ENPP1: variants seen among roughly 807,000 people sequenced by gnomAD.
ENPP1 encodes the protein ectonucleotide pyrophosphatase/phosphodiesterase family member 1.
A neutral mutation model predicts 122.8 loss-of-function variants in ENPP1; 73 were observed. That is an observed-to-expected ratio of 0.59 (90% CI 0.49 to 0.72). ENPP1 has a LOEUF of 0.72. ENPP1 is among the 30% of genes least tolerant of loss of function. The pLI is 0.00. For missense variants in ENPP1, 978 were observed against 1,128.1 expected (o/e 0.87, Z 1.91); for synonymous variants, 367 against 391.6 (o/e 0.94, Z 0.74).
chr6:131,857,506 T>C (rs1056207767), intron 6 of ENPP1, among the ~76,000 whole-genome samples: 1 of 150,272 alleles, frequency 6.7e-6, no homozygotes, highest in African/African-American at 2.5e-5. Flanking sequence ...TGTAGGGACA[T>C]GGATGAAATT....
intron 1 of ENPP1, among the ~76,000 whole-genome samples, chr6:131,825,466 A>G (rs756513352): frequency 1.3e-5 from 2 of 152,168 alleles, no homozygotes; most frequent in Non-Finnish European, 2.9e-5. Context: ...TATTTCCTCA[A>G]TCACTCTTGC....
intron 14 of ENPP1, 78 bp downstream of exon 14, chr6:131,872,179 A>G (rs961443232): frequency 1.0e-5 from 10 of 952,532 alleles, no homozygotes; most frequent in African/African-American, 1.6e-5. Flanking sequence ...TTCAGCATCT[A>G]TTATTGGGAT....
Position 131,886,508 on chromosome 6 carries a change from TCAAAAGGAAG to T in ENPP1, c.2445-53_2445-44del, listed in dbSNP as rs1782379008. 6.0e-6 allele frequency: 8 copies of T among 1,341,348 alleles called. 1 individual carries two copies. The Admixed American group carries it at 1.4e-4, about 24-fold the overall frequency. The allele number at this position is 1,341,348 out of a possible 1,614,324, so 83.1% of individuals were successfully genotyped here. ...AAAGCATGCTCTACTGAAATATTCA[TCAAAAGGAAG>T]ATAGTTATTTCTTTCTTAAAATGAA... On this transcript the variant is annotated intron_variant, in intron 23 of 24. Coordinates refer to ENST00000647893, the MANE Select transcript of ENPP1 (RefSeq NM_006208.3).
At chr6:131,870,817 G>A (rs951083816) in intron 13 of ENPP1, among the ~76,000 whole-genome samples, 3 of 152,248 alleles carry the variant, frequency 2.0e-5, no homozygotes, top group East Asian at 1.9e-4. Flanking sequence ...GGTGGCTCAC[G>A]CCTGTTATTC....
intron 1 of ENPP1, among the ~76,000 whole-genome samples, chr6:131,821,037 A>AT (rs2114659326): frequency 6.6e-6 from 1 of 152,276 alleles, no homozygotes; most frequent in African/African-American, 2.4e-5. Context: ...GTGACTGAGA[A>AT]TTTTTTATTT....
Position 131,808,108 on chromosome 6 carries a change from G to C in ENPP1, c.73G>C (p.Ala25Pro), listed in dbSNP as rs1781301710. ...CGGGCGCGCTCCCCGGGAGGGCCCG[G>C]CGGGGAACGGCCGCGATCGGGGCCG... The part of the protein sequence containing the change: ...EGGRAPREGP[A>P]GNGRDRGRSH... The change falls in exon 1 of 25, where the codon GCG (alanine) becomes CCG (proline). Residue 25 changes from alanine to proline, a missense_variant. Physicochemically the swap from Ala to Pro is conservative, Grantham distance 27. Coordinates refer to ENST00000647893, the MANE Select transcript of ENPP1 (RefSeq NM_006208.3). 8 of 1,226,148 alleles carry C rather than the reference G, an allele frequency of 6.5e-6. No individual in the cohort carries two copies. The South Asian group carries it at 2.2e-4, about 33-fold the overall frequency. The allele number at this position is 1,226,148 out of a possible 1,614,324, so 76.0% of individuals were successfully genotyped here.
intron 21 of ENPP1, 148 bp downstream of exon 21, chr6:131,882,622 A>T: frequency 5.6e-6 from 1 of 177,100 alleles, no homozygotes; most frequent in Non-Finnish European, 1.1e-5. Context: ...TTATATATAT[A>T]ATATATATAA....
chr6:131,880,963 G>C (rs1048895365), intron 20 of ENPP1, among the ~76,000 whole-genome samples: 1 of 152,036 alleles, frequency 6.6e-6, no homozygotes, highest in Non-Finnish European at 1.5e-5. Flanking sequence ...GGTAGAAGGA[G>C]GAATGGTGAA....
intron 17 of ENPP1, 87 bp downstream of exon 17, chr6:131,875,950 G>T (rs981824133): frequency 1.0e-4 from 108 of 1,053,340 alleles, no homozygotes; most frequent in Middle Eastern, 2.0e-4. Flanking sequence ...AGGCAACTTT[G>T]TGGAGATGAT....
chr6:131,849,579 A>T (rs1428375119), intron 2 of ENPP1, among the ~76,000 whole-genome samples: 1 of 152,166 alleles, frequency 6.6e-6, no homozygotes, highest in Non-Finnish European at 1.5e-5. Flanking sequence ...TTCTAAAAAA[A>T]ATTTTTCCCA....
intron 1 of ENPP1, among the ~76,000 whole-genome samples, chr6:131,813,717 G>A (rs1269909613): frequency 2.0e-5 from 3 of 152,014 alleles, no homozygotes; most frequent in South Asian, 2.1e-4. Context: ...CAATTGTTAC[G>A]CCTCAACTCC....
chr6:131,864,252 G>A (rs756379254), intron 9 of ENPP1, among the ~76,000 whole-genome samples: 1 of 152,124 alleles, frequency 6.6e-6, no homozygotes, highest in Non-Finnish European at 1.5e-5. Context: ...CTGTTTTCAG[G>A]TCCATGAATA....
chr6:131,850,892 G>A (rs1156526360), intron 3 of ENPP1, among the ~76,000 whole-genome samples: 24 of 152,202 alleles, frequency 1.6e-4, no homozygotes, highest in Admixed American at 1.6e-3. Flanking sequence ...ATTGCATATG[G>A]TAAGGTGCAT....
chr6:131,889,532 C>T (rs1210312896), intron 24 of ENPP1, among the ~76,000 whole-genome samples: 1 of 152,200 alleles, frequency 6.6e-6, no homozygotes, highest in Non-Finnish European at 1.5e-5. Flanking sequence ...TGGCCTCCAG[C>T]TCCATCCATG....
chr6:131,838,454 TAAAG>T (rs1781702860), intron 1 of ENPP1, among the ~76,000 whole-genome samples: 1 of 151,824 alleles, frequency 6.6e-6, no homozygotes, highest in Non-Finnish European at 1.5e-5. Flanking sequence ...AAAAAATGCA[TAAAG>T]AAAGTGGTAA....
At chr6:131,863,476 TATCTTAAATCCCAGACACGAA>T (rs1311830802) in intron 9 of ENPP1, among the ~76,000 whole-genome samples, 3 of 152,102 alleles carry the variant, frequency 2.0e-5, no homozygotes, top group Admixed American at 6.5e-5. Flanking sequence ...GAACAGAAAA[TATCTTAAATCCCAGACACGAA>T]ATGCTTAGCA....
At chr6:131,877,302 G>C (rs41286150) in intron 18 of ENPP1, 141 bp downstream of exon 18, 3 of 791,600 alleles carry the variant, frequency 3.8e-6, no homozygotes, top group Admixed American at 4.2e-5. Context: ...TCTAGGGGGC[G>C]CATGTAGATC....
intron 1 of ENPP1, among the ~76,000 whole-genome samples, chr6:131,810,320 T>C (rs977704654): frequency 6.6e-6 from 1 of 152,224 alleles, no homozygotes; most frequent in Non-Finnish European, 1.5e-5. Flanking sequence ...ATTGTGCCAC[T>C]GCACTTCAGC....
chr6:131,826,246 A>T, intron 1 of ENPP1: 1 of 989,158 alleles, frequency 1.0e-6, no homozygotes, highest in South Asian at 1.3e-5. Flanking sequence ...ATCTGGTAGC[A>T]TCTCACTGTT....
Sources: allele counts gnomAD v4.1 joint callset (sites outside exome capture counted in the v4.1 genomes callset), GRCh38; gene constraint gnomAD v4.1.1; transcripts MANE v1.5; gene names NCBI Gene and HGNC (gene_info 2026-07-23, HGNC 2026-07-21).